Variants in SPTSSA observed in about 807,000 individuals in gnomAD.
SPTSSA encodes the protein small subunit of serine palmitoyltransferase A.
A neutral mutation model predicts 9.1 loss-of-function variants in SPTSSA; 8 were observed. The ratio of observed to expected loss-of-function variants is 0.88; its 90% CI spans 0.51 to 1.58. The LOEUF (loss-of-function observed/expected upper bound fraction) is 1.58. Ranked by LOEUF, SPTSSA falls within the 40% of genes most tolerant of loss-of-function variation. The pLI is 0.00. For missense variants in SPTSSA, 100 were observed against 93.8 expected, an observed-to-expected ratio of 1.07 and a Z score of -0.27; for synonymous variants, 42 against 37.7, an observed-to-expected ratio of 1.11 and a Z score of -0.41.
chr14:34,461,932 G>A (rs866738445), intron 1 of SPTSSA, among the ~76,000 whole-genome samples, 164 bp downstream of exon 1: 1 of 122,246 alleles, frequency 8.2e-6, no homozygotes, highest in Admixed American at 9.2e-5. Flanking sequence ...CCCCGCGAGC[G>A]CCGCCCTCGG....
chr14:34,457,970 GGA>G (rs200416490), intron 1 of SPTSSA, among the ~76,000 whole-genome samples: 5,332 of 83,114 alleles, frequency 0.064, 360 homozygotes, highest in African/African-American at 0.23. Context: ...AGACTGTCTC[GGA>G]AAAAAAAAAA....
rs766688137 is a variant in SPTSSA, at chr14:34,438,628, G to A, written c.113-3324C>T. On this transcript the variant is annotated intron_variant, in intron 1 of 1. Coordinates refer to ENST00000298130, the MANE Select transcript of SPTSSA (RefSeq NM_138288.4). The stretch of plus-strand genomic sequence containing the variant: ...CTCTTCCTACGAGTCCAATTTTGCC[G>A]ATTAACACAACTATTTGCCAAGTCA... 5.3e-5 allele frequency among the ~76,000 whole-genome samples: 8 copies of A among 152,016 alleles called. No homozygotes were observed. The East Asian group carries it at 5.8e-4, about 11-fold the overall frequency.
intron 1 of SPTSSA, among the ~76,000 whole-genome samples, chr14:34,437,787 T>C (rs1883261813): frequency 6.6e-6 from 1 of 152,152 alleles, no homozygotes; most frequent in African/African-American, 2.4e-5. Flanking sequence ...GATTTTTACA[T>C]ACTAAACTAA....
At chr14:34,442,529 G>A (rs1883335958) in intron 1 of SPTSSA, among the ~76,000 whole-genome samples, 1 of 152,220 alleles carries the variant, frequency 6.6e-6, no homozygotes, top group Admixed American at 6.5e-5. Context: ...CTGCCCAAAG[G>A]GGATGCTCCT....
At chr14:34,435,962 C>T (rs1883236328) in intron 1 of SPTSSA, among the ~76,000 whole-genome samples, 1 of 152,094 alleles carries the variant, frequency 6.6e-6, no homozygotes, top group African/African-American at 2.4e-5. Flanking sequence ...GAATGTGATA[C>T]TGTTCTACCT....
At chr14:34,452,665 ACACTAAGGTTATAGTGTCTC>A (rs964603461) in intron 1 of SPTSSA, among the ~76,000 whole-genome samples, 2 of 152,152 alleles carry the variant, frequency 1.3e-5, no homozygotes, top group African/African-American at 2.4e-5. Context: ...AATCCCAGAG[ACACTAAGGTTATAGTGTCTC>A]TGGCACACAT....
Position 34,433,031 on chromosome 14 carries a change from A to G in SPTSSA, c.*2170T>C, listed in dbSNP as rs759356249. 1.3e-5 allele frequency: 2 copies of G among 152,202 alleles called. No individual in the cohort carries two copies. The highest frequency in any genetic ancestry group is 2.9e-5 in the Non-Finnish European group (2 of 68,046). 9.4% of individuals were successfully genotyped at this position (152,202 alleles called of 1,614,324 possible). On this transcript the variant is annotated 3_prime_UTR_variant, in exon 2 of 2. Coordinates refer to ENST00000298130, the MANE Select transcript of SPTSSA (RefSeq NM_138288.4). Reference sequence around the variant, plus strand: ...CTTGTAAATACCTTATTTTTAACAAAAAGTGAAAATGATTTCCCTGTTATT... The same window carrying G: ...CTTGTAAATACCTTATTTTTAACAAGAAGTGAAAATGATTTCCCTGTTATT...
At chr14:34,437,013 A>G (rs887631010) in intron 1 of SPTSSA, among the ~76,000 whole-genome samples, 10 of 152,170 alleles carry the variant, frequency 6.6e-5, no homozygotes, top group African/African-American at 2.4e-4. Flanking sequence ...TTCATCACCA[A>G]CACACCATCT....
rs1207432009 is a variant in SPTSSA at position 34,462,196 on chromosome 14, C to T, written c.12G>A (p.Met4Ile). The T allele has an allele frequency of 6.5e-7, 1 of 1,531,334 alleles. No individual in the cohort carries two copies. Among genetic ancestry groups the T allele is most frequent in the South Asian group, 1.2e-5 (1 of 86,530 alleles). 94.9% of individuals were successfully genotyped at this position (1,531,334 alleles called of 1,614,324 possible). Residue 4 changes from methionine (M) to isoleucine (I), a missense_variant, in exon 1 of 2, where the codon ATG becomes ATA. Physicochemically the swap from Met to Ile is conservative, Grantham distance 10. Transcript: ENST00000298130. Reference sequence around the variant, plus strand: ...TCTGCTTCCAGGCCCGCGCCAGCGCCATCCCCGCCATGCGCCTCCCGCGAT... The same window carrying T: ...TCTGCTTCCAGGCCCGCGCCAGCGCTATCCCCGCCATGCGCCTCCCGCGAT... Reference protein sequence around the residue: MAGMALARAWKQMS... With the variant: MAGIALARAWKQMS...
intron 1 of SPTSSA, among the ~76,000 whole-genome samples, chr14:34,443,196 GGGGTGTGTGTGTGTGT>G (rs1222701547): frequency 1.8e-4 from 3 of 16,792 alleles, no homozygotes; most frequent in Admixed American, 7.3e-4. Flanking sequence ...TTTCCTCTAG[GGGGTGTGTGTGTGTGT>G]GTGTGTGTGT....
intron 1 of SPTSSA, among the ~76,000 whole-genome samples, chr14:34,454,474 TA>T (rs1883578853): frequency 6.6e-6 from 1 of 152,170 alleles, no homozygotes; most frequent in Admixed American, 6.6e-5. Flanking sequence ...CAAAAACTAC[TA>T]AAGAAAAAGT....
In SPTSSA at chr14:34,435,065, C is replaced by G. The variant is rs148091928; in HGVS notation, c.*136G>C. The G allele has an allele frequency of 2.4e-3, 1,300 of 545,762 alleles. 17 individuals are homozygous for G. The East Asian group carries it at 0.028, about 12-fold the overall frequency. 33.8% of individuals were successfully genotyped at this position (545,762 alleles called of 1,614,324 possible). On this transcript the variant is annotated 3_prime_UTR_variant, in exon 2 of 2. Transcript: ENST00000298130. ...CATGAGTCAGGATGATTTTCCTGTT[C>G]TACTCATGAATTTTAGTCTTTATAA... is the stretch of plus-strand genomic sequence containing the variant.
At chr14:34,444,751 CA>C (rs34773522) in intron 1 of SPTSSA, among the ~76,000 whole-genome samples, 196 of 135,316 alleles carry the variant, frequency 1.4e-3, no homozygotes, top group Admixed American at 2.9e-3. Flanking sequence ...GACTCTGCCT[CA>C]AAAAAAAAAA....
chr14:34,442,136 A>G (rs1883327765), intron 1 of SPTSSA, among the ~76,000 whole-genome samples: 1 of 152,100 alleles, frequency 6.6e-6, no homozygotes, highest in Non-Finnish European at 1.5e-5. Flanking sequence ...TCGGCCTCCC[A>G]AAGTGCTGCC....
intron 1 of SPTSSA, among the ~76,000 whole-genome samples, chr14:34,451,827 A>T (rs187373137): frequency 4.6e-5 from 7 of 152,260 alleles, no homozygotes; most frequent in African/African-American, 1.7e-4. Flanking sequence ...AAAACAAAGC[A>T]TTTGACGAAG....
intron 1 of SPTSSA, among the ~76,000 whole-genome samples, chr14:34,454,292 T>C (rs1006777582): frequency 6.6e-6 from 1 of 152,212 alleles, no homozygotes; most frequent in African/African-American, 2.4e-5. Flanking sequence ...GGACCTATAG[T>C]GATCACTACT....
In SPTSSA at chr14:34,434,726, C is replaced by T. The variant is rs1883211883; in HGVS notation, c.*475G>A. 1 of 152,832 alleles carries T rather than the reference C, an allele frequency of 6.5e-6. No individual in the cohort carries two copies. Among genetic ancestry groups the T allele is most frequent in the Non-Finnish European group, 1.5e-5 (1 of 68,130 alleles). 9.5% of individuals were successfully genotyped at this position (152,832 alleles called of 1,614,324 possible). A position where few individuals can be genotyped will look rare whatever the true frequency, so the allele number is the denominator to read the frequency against. On this transcript the variant is annotated 3_prime_UTR_variant, in exon 2 of 2. Transcript: ENST00000298130. ...GTTCTCAATAAAATATCTTCCCTCC[C>T]CATACCCCTACCCGAAATCTTATAT...
intron 1 of SPTSSA, among the ~76,000 whole-genome samples, chr14:34,455,795 G>C (rs919337150): frequency 1.3e-5 from 2 of 151,858 alleles, no homozygotes; most frequent in African/African-American, 4.8e-5. Context: ...ACCTGGGCAT[G>C]GTGGCGTGCA....
At chr14:34,446,456 T>C (rs1421196810) in intron 1 of SPTSSA, among the ~76,000 whole-genome samples, 1 of 152,196 alleles carries the variant, frequency 6.6e-6, no homozygotes, top group Non-Finnish European at 1.5e-5. Context: ...GGAGTGTACT[T>C]TTATTTATGA....
Sources: gnomAD v4.1 joint callset for allele counts (sites outside exome capture counted in the v4.1 genomes callset) on GRCh38, gnomAD v4.1.1 for gene constraint, MANE v1.5 for transcripts, NCBI Gene and HGNC (gene_info 2026-07-23, HGNC 2026-07-21) for gene names.